Variants in RNF214 observed in about 807,000 individuals in gnomAD.
The protein encoded by RNF214 is ring finger protein 214.
RNF214 carries 25 observed loss-of-function variants against 75.9 expected under a neutral mutation model. That is an observed-to-expected ratio of 0.33 (90% confidence interval 0.24 to 0.46). The LOEUF (loss-of-function observed/expected upper bound fraction) is 0.46, where lower values mean the gene tolerates loss of function less well. Ranked by LOEUF, RNF214 falls within the 20% of genes least tolerant of loss-of-function variation. The pLI is 1.00. For synonymous variants in RNF214, 314 were observed against 308.8 expected, an observed-to-expected ratio of 1.02 and a Z score of -0.18; for missense variants, 725 against 857.5, an observed-to-expected ratio of 0.85 and a Z score of 1.93.
rs946146699 is a variant in RNF214, at chr11:117,235,751, T to C, written c.107+1372T>C. Among the ~76,000 whole-genome samples the C allele has an allele frequency of 5.9e-5, 9 of 152,152 alleles. No individual in the cohort carries two copies. The East Asian group carries it at 1.7e-3, about 29-fold the overall frequency. On this transcript the variant is annotated intron_variant, in intron 2 of 14. Transcript: ENST00000300650. ...TTTACTTTTCAGTGATTTATTTTTA[T>C]ATTTTAAAAAATGGACACGATAATT...
intron 5 of RNF214, 23 bp from the exon 6 acceptor site, chr11:117,246,786 G>A (rs371576523): frequency 2.4e-5 from 36 of 1,488,434 alleles, no homozygotes; most frequent in Non-Finnish European, 2.8e-5. Flanking sequence ...ATTTGTGTGC[G>A]ACTGTAATTG....
chr11:117,243,712 TA>T (rs2033140398), intron 4 of RNF214, among the ~76,000 whole-genome samples: 2 of 152,070 alleles, frequency 1.3e-5, no homozygotes, highest in South Asian at 4.2e-4. Context: ...CACTTCTATT[TA>T]TTTATTTATT....
intron 6 of RNF214, among the ~76,000 whole-genome samples, chr11:117,276,470 A>G (rs2034017999): frequency 6.6e-6 from 1 of 152,192 alleles, no homozygotes; most frequent in African/African-American, 2.4e-5. Context: ...TTTGCTGGGC[A>G]TGATGATACA....
chr11:117,271,776 C>T (rs1591837474), intron 6 of RNF214, among the ~76,000 whole-genome samples: 1 of 152,140 alleles, frequency 6.6e-6, no homozygotes, highest in Admixed American at 6.5e-5. Context: ...GAAAGGAGGT[C>T]GTGGTCACAA....
intron 6 of RNF214, among the ~76,000 whole-genome samples, chr11:117,262,618 G>A (rs2033691751): frequency 6.6e-6 from 1 of 152,074 alleles, no homozygotes; most frequent in Non-Finnish European, 1.5e-5. Flanking sequence ...CTGGCCGCAA[G>A]TGATCCTCCT....
chr11:117,284,181 T>C (rs1413091575), intron 14 of RNF214, among the ~76,000 whole-genome samples: 1 of 152,168 alleles, frequency 6.6e-6, no homozygotes, highest in Non-Finnish European at 1.5e-5. Flanking sequence ...AGACTTTGCC[T>C]AGATGAGAGG....
chr11:117,244,360 T>G, intron 4 of RNF214, 85 bp from the exon 5 acceptor site: 1 of 1,097,184 alleles, frequency 9.1e-7, no homozygotes, highest in South Asian at 1.3e-5. Context: ...GTCATAGAGC[T>G]CTATACAATG....
intron 6 of RNF214, among the ~76,000 whole-genome samples, chr11:117,279,026 G>T (rs961558859): frequency 3.3e-5 from 5 of 152,138 alleles, no homozygotes; most frequent in South Asian, 4.1e-4. Flanking sequence ...GAGCCCAGGG[G>T]GTTGAGGCTG....
intron 6 of RNF214, among the ~76,000 whole-genome samples, chr11:117,257,061 G>A (rs1258006549): frequency 1.3e-5 from 2 of 152,150 alleles, no homozygotes; most frequent in Non-Finnish European, 2.9e-5. Flanking sequence ...ATGGCCTGCC[G>A]CAGTGGCTCA....
At position 117,238,727 on chromosome 11, in the gene RNF214, A is replaced by C; in HGVS notation, c.234A>C (p.Ala78=). The change falls in exon 3 of 15, where the codon GCA becomes GCC. Residue 78 remains alanine, a synonymous_variant. Transcript: ENST00000300650. The part of the protein sequence containing the change: ...EHSEQNPGSS[A]GDTSAAHQVV... The stretch of plus-strand genomic sequence containing the variant: ...CAGAGCAGAATCCTGGTTCATCAGC[A>C]GGTGACACCTCAGCAGCGCACCAGG... The C allele has an allele frequency of 1.2e-6, 2 of 1,614,230 alleles. No homozygotes were observed. The highest frequency in any genetic ancestry group is 1.7e-6 in the Non-Finnish European group (2 of 1,180,038).
At position 117,282,112 on chromosome 11, in the gene RNF214, C is replaced by T. The variant is rs776244061; in HGVS notation, c.1554C>T (p.Val518=). The change falls in exon 11 of 15, where the codon GTC becomes GTT. Residue 518 remains valine (V), a synonymous_variant. Transcript: ENST00000300650. ...ATAGCCCTGGCTTGGGTTCCCTTGT[C>T]AGCCCCCACGGTCCACACATGCCCC... ...GRNSPGLGSL[V]SPHGPHMPPA... The T allele has an allele frequency of 4.3e-6, 7 of 1,613,958 alleles. No individual in the cohort carries two copies. The Admixed American group carries it at 1.0e-4, about 23-fold the overall frequency.
chr11:117,241,517 T>C (rs2033079900), intron 4 of RNF214, among the ~76,000 whole-genome samples: 1 of 151,502 alleles, frequency 6.6e-6, no homozygotes, highest in East Asian at 1.9e-4. Context: ...GAGGTAGAGG[T>C]TGCAGTAAGC....
intron 1 of RNF214, 67 bp from the exon 2 acceptor site, chr11:117,234,200 G>A: frequency 1.7e-6 from 2 of 1,146,490 alleles, no homozygotes; most frequent in Admixed American, 1.7e-5. Flanking sequence ...ACATTCTGAG[G>A]GGGGAGAGAT....
In RNF214 at chr11:117,239,227, T is replaced by G. The variant is rs374191790; in HGVS notation, c.618+116T>G. 3.7e-5 allele frequency: 40 copies of G among 1,069,824 alleles called. No homozygotes were observed. In the East Asian group the frequency reaches 5.2e-4, roughly 14 times the overall value. The allele number at this position is 1,069,824 out of a possible 1,614,324, so 66.3% of individuals were successfully genotyped here. A position where few individuals can be genotyped will look rare whatever the true frequency, so the allele number is the denominator to read the frequency against. ...GCTGGCTTGTTTTGTTTTTTGTTTT[T>G]TTTGCTAGCAACCATCATACTACTC... is the stretch of plus-strand genomic sequence containing the variant. On this transcript the variant is annotated intron_variant, in intron 3 of 14. Transcript: ENST00000300650.
chr11:117,237,806 C>G (rs1345259703), intron 2 of RNF214, among the ~76,000 whole-genome samples: 1 of 152,058 alleles, frequency 6.6e-6, no homozygotes, highest in African/African-American at 2.4e-5. Context: ...CAAAATTGTA[C>G]TTTAGACAAC....
chr11:117,267,558 C>CA (rs796703755), intron 6 of RNF214, among the ~76,000 whole-genome samples: 13 of 150,694 alleles, frequency 8.6e-5, no homozygotes, highest in African/African-American at 2.2e-4. Flanking sequence ...ACAAAAAATA[C>CA]AAAAAAAAGA....
At chr11:117,270,241 C>CTTTTTTTT (rs57144374) in intron 6 of RNF214, among the ~76,000 whole-genome samples, 15 of 75,874 alleles carry the variant, frequency 2.0e-4, no homozygotes, top group Non-Finnish European at 2.3e-4. Flanking sequence ...CTTTTCTTTT[C>CTTTTTTTT]TTTTTTTTTT....
chr11:117,285,013 C>A, intron 14 of RNF214, 73 bp from the exon 15 acceptor site: 2 of 1,093,540 alleles, frequency 1.8e-6, no homozygotes, highest in Non-Finnish European at 2.8e-6. Context: ...CTTGTTGAAC[C>A]TTATTGGCAT....
intron 6 of RNF214, among the ~76,000 whole-genome samples, chr11:117,250,609 ATTT>A (rs58692621): frequency 1.6e-5 from 1 of 63,174 alleles, no homozygotes; most frequent in African/African-American, 9.8e-5. Context: ...TTATTTATTT[ATTT>A]TTTTTTTAAT....
Sources: allele counts gnomAD v4.1 joint callset (sites outside exome capture counted in the v4.1 genomes callset), GRCh38; gene constraint gnomAD v4.1.1; transcripts MANE v1.5; gene names NCBI Gene and HGNC (gene_info 2026-07-23, HGNC 2026-07-21).